The following PRIM2 variants were observed in gnomAD, a reference collection of about 807,000 sequenced individuals.
PRIM2 encodes the protein DNA primase subunit 2.
PRIM2 carries 39 observed loss-of-function variants against 67.3 expected under a neutral mutation model. The observed-to-expected ratio is 0.58, with a 90% CI of 0.45 to 0.76. The LOEUF is 0.76. PRIM2 is among the 30% of genes least tolerant of loss of function. The pLI, the probability that PRIM2 is intolerant of heterozygous loss-of-function variation, is 0.00. For synonymous variants in PRIM2, 143 were observed against 198.7 expected (o/e 0.72, Z 2.36); for missense variants, 398 against 598.7 (o/e 0.66, Z 3.50).
At chr6:57,470,138 A>G (rs1425715238) in intron 7 of PRIM2, among the ~76,000 whole-genome samples, 2 of 152,166 alleles carry the variant, frequency 1.3e-5, no homozygotes, top group African/African-American at 4.8e-5. Context: ...CAATAATGTA[A>G]GTAGATTAGT....
intron 7 of PRIM2, among the ~76,000 whole-genome samples, chr6:57,393,437 G>A (rs1047071366): frequency 2.6e-4 from 39 of 152,020 alleles, no homozygotes; most frequent in Non-Finnish European, 3.5e-4. Flanking sequence ...TATGTTTGCC[G>A]GCCATTTGTA....
At chr6:57,549,946 A>T (rs1399824367) in intron 10 of PRIM2, among the ~76,000 whole-genome samples, 3 of 152,130 alleles carry the variant, frequency 2.0e-5, no homozygotes, top group Non-Finnish European at 2.9e-5. Context: ...TTAGCCAGGT[A>T]TGCTGGTACA....
At chr6:57,478,540 A>G (rs1243694423) in intron 7 of PRIM2, among the ~76,000 whole-genome samples, 2 of 152,136 alleles carry the variant, frequency 1.3e-5, no homozygotes, top group Admixed American at 6.5e-5. Flanking sequence ...AAAAACACAT[A>G]TGAGTTTTTT....
chr6:57,336,233 T>C (rs1768241296), intron 5 of PRIM2, among the ~76,000 whole-genome samples: 2 of 152,160 alleles, frequency 1.3e-5, no homozygotes, highest in African/African-American at 4.8e-5. Context: ...CTGCGTCTGA[T>C]TGGTGTACCT....
chr6:57,350,303 A>G (rs550185782), intron 5 of PRIM2, among the ~76,000 whole-genome samples: 2 of 152,180 alleles, frequency 1.3e-5, no homozygotes, highest in East Asian at 3.8e-4. Context: ...TCATCCATTT[A>G]TGACTATGAT....
rs368207682 is a variant in PRIM2, at chr6:57,449,695, A to C, written c.694-57692A>C. Among the ~76,000 whole-genome samples the C allele has an allele frequency of 2.9e-3, 439 of 152,316 alleles. 2 individuals are homozygous for C. The highest frequency in any genetic ancestry group is 0.01 in the African/African-American group (422 of 41,576). On this transcript the variant is annotated intron_variant, in intron 7 of 13. Coordinates refer to ENST00000615550, the MANE Select transcript of PRIM2 (RefSeq NM_000947.5). ...AGTGCTTGTAATCACTAAGCAAAGG[A>C]GTACTATAGATTAAATGTGTTGTAA...
chr6:57,373,369 A>G (rs949295065), intron 5 of PRIM2, among the ~76,000 whole-genome samples: 5 of 151,584 alleles, frequency 3.3e-5, no homozygotes, highest in African/African-American at 1.2e-4. Context: ...TGTCAGATGT[A>G]TAGATTGCAA....
At chr6:57,277,576 A>C in the PRIM2 span, among the ~76,000 whole-genome samples, 2 of 151,562 alleles carry the variant, frequency 1.3e-5, no homozygotes, top group African/African-American at 4.9e-5. Context: ...GGAACACAGC[A>C]GAAGCCGGGG....
chr6:57,638,575 G>GAAAAAAAA, intron 13 of PRIM2, among the ~76,000 whole-genome samples: 1 of 12,124 alleles, frequency 8.2e-5, no homozygotes, highest in African/African-American at 4.2e-4. Flanking sequence ...CAAACAGAAA[G>GAAAAAAAA]CAAAAAAAAA....
chr6:57,271,710 T>C, the PRIM2 span, among the ~76,000 whole-genome samples: 3 of 152,214 alleles, frequency 2.0e-5, no homozygotes, highest in Non-Finnish European at 4.4e-5. Context: ...GTTCTTTTAA[T>C]TGTGATGTTA....
rs1405711601 is a variant in PRIM2 at position 57,614,934 on chromosome 6, G to C, written c.1230+8477G>C. ...AATTTCTTTTCAAAATTGGCAGTGA[G>C]TTAAAAAATCCTTTCAATGTTTTGT... On this transcript the variant is annotated intron_variant, in intron 12 of 13. Transcript: ENST00000615550. 8.0e-4 allele frequency among the ~76,000 whole-genome samples: 121 copies of C among 152,182 alleles called. 1 individual carries two copies. Among genetic ancestry groups the C allele is most frequent in the Non-Finnish European group, 1.3e-3 (87 of 68,010 alleles).
At chr6:57,487,427 C>T (rs1773779659) in intron 7 of PRIM2, among the ~76,000 whole-genome samples, 1 of 152,182 alleles carries the variant, frequency 6.6e-6, no homozygotes, top group African/African-American at 2.4e-5. Flanking sequence ...TGGGGTTTTA[C>T]CATGTTGCCC....
chr6:57,541,346 C>G (rs1464795500), intron 10 of PRIM2, among the ~76,000 whole-genome samples: 3 of 152,148 alleles, frequency 2.0e-5, no homozygotes, highest in African/African-American at 7.2e-5. Context: ...GCCTCAGCCT[C>G]CCAAAGTGCT....
chr6:57,600,413 C>T (rs1431770695), intron 10 of PRIM2, among the ~76,000 whole-genome samples: 5 of 151,658 alleles, frequency 3.3e-5, no homozygotes, highest in African/African-American at 9.7e-5. Flanking sequence ...GGCTGAAGTA[C>T]AGTGGCACAA....
At chr6:57,398,376 C>T (rs1415920994) in intron 7 of PRIM2, among the ~76,000 whole-genome samples, 12 of 152,102 alleles carry the variant, frequency 7.9e-5, no homozygotes, top group Non-Finnish European at 1.3e-4. Context: ...TTTAAAAGAA[C>T]TTCTTAATTT....
At chr6:57,417,925 G>C (rs1381289859) in intron 7 of PRIM2, among the ~76,000 whole-genome samples, 1 of 151,990 alleles carries the variant, frequency 6.6e-6, no homozygotes, top group Non-Finnish European at 1.5e-5. Context: ...CTCTTCTTTT[G>C]GCAAGTATAT....
At chr6:57,308,671 CA>C in the PRIM2 span, among the ~76,000 whole-genome samples, 2 of 152,112 alleles carry the variant, frequency 1.3e-5, no homozygotes, top group African/African-American at 2.4e-5. Flanking sequence ...AGTCAACACG[CA>C]ATATTTTCAA....
chr6:57,593,808 T>A (rs1776322216), intron 10 of PRIM2, among the ~76,000 whole-genome samples: 1 of 152,254 alleles, frequency 6.6e-6, no homozygotes, highest in African/African-American at 2.4e-5. Flanking sequence ...CATTTATTTT[T>A]ATTTTTTTCT....
upstream of PRIM2, among the ~76,000 whole-genome samples, chr6:57,312,292 G>C (rs1767406012): frequency 6.6e-6 from 1 of 152,146 alleles, no homozygotes; most frequent in Non-Finnish European, 1.5e-5. Flanking sequence ...CTTGAGTCCA[G>C]AAGTTCAAGA....
Sources: allele counts gnomAD v4.1 joint callset (sites outside exome capture counted in the v4.1 genomes callset), GRCh38; gene constraint gnomAD v4.1.1; transcripts MANE v1.5; gene names NCBI Gene and HGNC (gene_info 2026-07-23, HGNC 2026-07-21).